Variants in ZDHHC9 observed in about 807,000 individuals in gnomAD.
ZDHHC9 encodes palmitoyltransferase ZDHHC9.
A neutral mutation model predicts 26.6 loss-of-function variants in ZDHHC9; 3 were observed. That is an observed-to-expected ratio of 0.11 (90% confidence interval 0.05 to 0.29). The LOEUF is 0.29. Among genes scored for constraint, ZDHHC9 ranks in the 10% least tolerant of loss-of-function variants. The probability of loss-of-function intolerance (pLI) is 1.00; values close to 1 mark genes in which losing one functional copy is unlikely to be tolerated. For synonymous variants in ZDHHC9, 111 were observed against 109.4 expected, an observed-to-expected ratio of 1.01 and a Z score of -0.09; for missense variants, 146 against 296.4, an observed-to-expected ratio of 0.49 and a Z score of 3.73.
In ZDHHC9 at chrX:129,803,377, A is replaced by G. The variant is rs1357107599; in HGVS notation, c.*2993T>C. 1 of 112,975 alleles carries G rather than the reference A, an allele frequency of 8.9e-6. No homozygotes were observed. Among genetic ancestry groups the G allele is most frequent in the African/African-American group, 3.2e-5 (1 of 31,116 alleles). The allele number at this position is 112,975 out of a possible 1,213,427, so 9.3% of individuals were successfully genotyped here. A position where few individuals can be genotyped will look rare whatever the true frequency, so the allele number is the denominator to read the frequency against. The stretch of plus-strand genomic sequence containing the variant: ...CCCCAAAAGAAAGATTTCTTTATTA[A>G]GAAATACCAGAGAGTGAAAAACCCC... On this transcript the variant is annotated 3_prime_UTR_variant, in exon 11 of 11. Transcript: ENST00000357166.
intron 6 of ZDHHC9, 108 bp from the exon 7 acceptor site, chrX:129,813,833 A>G: frequency 1.4e-6 from 1 of 731,858 alleles, no homozygotes; most frequent in Non-Finnish European, 2.1e-6. Context: ...CGTGTTACAC[A>G]CTGGCAAGAG....
chrX:129,835,125 A>C (rs1928227811), intron 3 of ZDHHC9, among the ~76,000 whole-genome samples: 2 of 112,510 alleles, frequency 1.8e-5, no homozygotes, highest in Non-Finnish European at 1.9e-5. Flanking sequence ...GAAAATGTAG[A>C]GAAATTCTGA....
chrX:129,831,233 C>A (rs1928132953), intron 3 of ZDHHC9, among the ~76,000 whole-genome samples: 1 of 111,621 alleles, frequency 9.0e-6, no homozygotes, highest in Non-Finnish European at 1.9e-5. Context: ...CATGAACAAG[C>A]CAAGTGAAAT....
rs1928395023 is a variant in ZDHHC9, at chrX:129,842,069, C to T, written c.-124G>A. The T allele has an allele frequency of 2.3e-6, 2 of 852,266 alleles. No individual in the cohort carries two copies. Among genetic ancestry groups the T allele is most frequent in the Admixed American group, 4.7e-5 (2 of 42,532 alleles). 70.2% of individuals were successfully genotyped at this position (852,266 alleles called of 1,213,427 possible). A position where few individuals can be genotyped will look rare whatever the true frequency, so the allele number is the denominator to read the frequency against. ...GCTGGGTCAAACATCATCAAAAGTC[C>T]AATTGCTAGCCCTAAGAAAAAGCAG... is the stretch of plus-strand genomic sequence containing the variant. On this transcript the variant is annotated 5_prime_UTR_variant, in exon 3 of 11. Transcript: ENST00000357166.
rs11990 is a variant in ZDHHC9, at chrX:129,805,719, T to C, written c.*651A>G. The stretch of plus-strand genomic sequence containing the variant: ...TGTCAATTATTATCTCTACTACAAC[T>C]ACTTACATATATCTAATGGGAAAAG... On this transcript the variant is annotated 3_prime_UTR_variant, in exon 11 of 11. Coordinates refer to ENST00000357166, the MANE Select transcript of ZDHHC9 (RefSeq NM_016032.4). 10,542 of 112,298 alleles carry C rather than the reference T, an allele frequency of 0.094. 486 individuals are homozygous for C. The highest frequency in any genetic ancestry group is 0.14 in the Non-Finnish European group (7,502 of 53,470). The allele number at this position is 112,298 out of a possible 1,213,427, so 9.3% of individuals were successfully genotyped here.
At chrX:129,821,582 C>T (rs759022955) in intron 5 of ZDHHC9, among the ~76,000 whole-genome samples, 20 of 108,405 alleles carry the variant, frequency 1.8e-4, no homozygotes, top group Admixed American at 8.9e-4. Flanking sequence ...TGAGCCACCG[C>T]GCCTGGCCAG....
chrX:129,814,540 T>A lies in ZDHHC9; in HGVS notation c.625+118A>T, dbSNP rs935980669. The A allele has an allele frequency of 2.9e-6, 3 of 1,048,191 alleles. No individual in the cohort carries two copies. In the African/African-American group the frequency reaches 5.6e-5, roughly 20 times the overall value. The allele number at this position is 1,048,191 out of a possible 1,213,427, so 86.4% of individuals were successfully genotyped here. A position where few individuals can be genotyped will look rare whatever the true frequency, so the allele number is the denominator to read the frequency against. ...CAGATAACTGTGCTCATTTCTAACC[T>A]GTCCTAAAGTACCTTTCACAATGGT... On this transcript the variant is annotated intron_variant, in intron 6 of 10. Coordinates refer to ENST00000357166, the MANE Select transcript of ZDHHC9 (RefSeq NM_016032.4).
intron 5 of ZDHHC9, among the ~76,000 whole-genome samples, chrX:129,821,031 T>TG (rs1430509907): frequency 3.6e-5 from 4 of 111,082 alleles, no homozygotes; most frequent in Non-Finnish European, 7.5e-5. Flanking sequence ...AACAAATATA[T>TG]GAAAAAATGC....
intron 4 of ZDHHC9, among the ~76,000 whole-genome samples, chrX:129,824,395 T>A: frequency 9.0e-6 from 1 of 111,392 alleles, no homozygotes; most frequent in Non-Finnish European, 1.9e-5. Context: ...GTTCAAGTGA[T>A]TCTCCTGTCT....
intron 5 of ZDHHC9, among the ~76,000 whole-genome samples, chrX:129,815,379 A>T (rs1482285138): frequency 1.8e-5 from 2 of 112,231 alleles, no homozygotes; most frequent in Non-Finnish European, 3.8e-5. Context: ...TTTTGTCTTC[A>T]TACTACTTGT....
intron 3 of ZDHHC9, among the ~76,000 whole-genome samples, chrX:129,831,056 G>A (rs1315554422): frequency 3.6e-5 from 4 of 111,544 alleles, no homozygotes; most frequent in Admixed American, 9.6e-5. Flanking sequence ...TCTGGCAGCT[G>A]AGTTCAGGGT....
intron 3 of ZDHHC9, among the ~76,000 whole-genome samples, chrX:129,840,197 T>C (rs1388924909): frequency 9.2e-6 from 1 of 108,469 alleles, no homozygotes; most frequent in African/African-American, 3.4e-5. Flanking sequence ...AAACCAGAGG[T>C]TTCCTGGGCC....
At chrX:129,820,855 C>T (rs1161980811) in intron 5 of ZDHHC9, among the ~76,000 whole-genome samples, 1 of 111,099 alleles carries the variant, frequency 9.0e-6, no homozygotes, top group Non-Finnish European at 1.9e-5. Context: ...TGGTGGTTTG[C>T]TGCACCTATA....
At chrX:129,806,577 C>T in intron 10 of ZDHHC9, 91 bp from the exon 11 acceptor site, 1 of 778,586 alleles carries the variant, frequency 1.3e-6, no homozygotes, top group Admixed American at 2.6e-5. Flanking sequence ...TTCCTCTCAG[C>T]CCCCTGATCA....
intron 4 of ZDHHC9, among the ~76,000 whole-genome samples, chrX:129,826,374 GAATATAAGATGACA>G (rs1928017836): frequency 9.0e-6 from 1 of 111,334 alleles, no homozygotes; most frequent in Admixed American, 9.6e-5. Context: ...GTACAGGACT[GAATATAAGATGACA>G]AAAACTTGCT....
intron 5 of ZDHHC9, among the ~76,000 whole-genome samples, chrX:129,817,712 C>T (rs1927788884): frequency 9.1e-6 from 1 of 110,131 alleles, no homozygotes; most frequent in African/African-American, 3.3e-5. Flanking sequence ...CTCATATAAG[C>T]GGAATCACAC....
At chrX:129,826,302 C>T (rs894504604) in intron 4 of ZDHHC9, among the ~76,000 whole-genome samples, 3 of 110,976 alleles carry the variant, frequency 2.7e-5, no homozygotes, top group Non-Finnish European at 5.7e-5. Context: ...CTCAGGAGGC[C>T]GTATCAGGCA....
chrX:129,832,380 G>A (rs982187720), intron 3 of ZDHHC9, among the ~76,000 whole-genome samples: 2 of 111,088 alleles, frequency 1.8e-5, no homozygotes, highest in African/African-American at 6.6e-5. Context: ...AGGCACAGTC[G>A]CTCACACCTG....
At chrX:129,843,064 G>A (rs1363610316) in intron 2 of ZDHHC9, among the ~76,000 whole-genome samples, 195 bp downstream of exon 2, 1 of 112,625 alleles carries the variant, frequency 8.9e-6, no homozygotes. Context: ...GACACCACAT[G>A]CCCCACGCTG....
Sources: gnomAD v4.1 joint callset for allele counts (sites outside exome capture counted in the v4.1 genomes callset) on GRCh38, gnomAD v4.1.1 for gene constraint, MANE v1.5 for transcripts, NCBI Gene and HGNC (gene_info 2026-07-23, HGNC 2026-07-21) for gene names.